TNFSF11: variants seen among roughly 807,000 people sequenced by gnomAD.
TNFSF11 encodes TNF superfamily member 11.
Under a neutral mutation model 32.2 loss-of-function variants are expected in TNFSF11, and 12 were observed. The observed-to-expected ratio is 0.37, with a 90% CI of 0.24 to 0.60. TNFSF11 has a LOEUF of 0.60. Among genes scored for constraint, TNFSF11 ranks in the 20% least tolerant of loss-of-function variants. The pLI, the probability that TNFSF11 is intolerant of heterozygous loss-of-function variation, is 0.66. For missense variants in TNFSF11, 345 were observed against 398.0 expected, an observed-to-expected ratio of 0.87 and a Z score of 1.13; for synonymous variants, 172 against 152.1, an observed-to-expected ratio of 1.13 and a Z score of -0.96.
intron 2 of TNFSF11, among the ~76,000 whole-genome samples, chr13:42,597,182 C>T (rs1344594129): frequency 6.6e-6 from 1 of 152,186 alleles, no homozygotes; most frequent in African/African-American, 2.4e-5. Flanking sequence ...AGGTTATAGA[C>T]AGTCATGCGC....
upstream of TNFSF11, among the ~76,000 whole-genome samples, chr13:42,569,758 C>T (rs1244446925): frequency 6.6e-6 from 1 of 151,952 alleles, no homozygotes; most frequent in Non-Finnish European, 1.5e-5. Flanking sequence ...ATAATAATAA[C>T]GAATGACTTC....
chr13:42,607,053 C>A lies in TNFSF11; in HGVS notation c.*135C>A, dbSNP rs1278422010. 3 of 1,118,584 alleles carry A rather than the reference C, an allele frequency of 2.7e-6. No individual in the cohort carries two copies. The highest frequency in any genetic ancestry group is 1.4e-5 in the South Asian group (1 of 71,758). 69.3% of individuals were successfully genotyped at this position (1,118,584 alleles called of 1,614,324 possible). ...AACGGTACACGACTCAGTATCCATG[C>A]TCTTGACCTTGTAGAGAACACGCGT... is the stretch of plus-strand genomic sequence containing the variant. On this transcript the variant is annotated 3_prime_UTR_variant, in exon 5 of 5. Transcript: ENST00000398795.
At chr13:42,568,995 A>C (rs1193454436) in intron 2 of TNFSF11, among the ~76,000 whole-genome samples, 2 of 152,146 alleles carry the variant, frequency 1.3e-5, no homozygotes, top group African/African-American at 4.8e-5. Flanking sequence ...TGAAGAGTTG[A>C]GGTCAGGGTT....
chr13:42,596,331 T>C (rs1436606328), intron 2 of TNFSF11, among the ~76,000 whole-genome samples: 1 of 152,206 alleles, frequency 6.6e-6, no homozygotes, highest in Non-Finnish European at 1.5e-5. Flanking sequence ...TATTTTCTGA[T>C]GTCCCGGCTC....
chr13:42,579,414 T>TC (rs1446924205), intron 1 of TNFSF11, among the ~76,000 whole-genome samples: 1 of 65,310 alleles, frequency 1.5e-5, no homozygotes, highest in Non-Finnish European at 3.5e-5. Context: ...GACCCTGTCT[T>TC]CAAAAAAAAA....
chr13:42,565,047 C>T (rs1872819141), intron 1 of TNFSF11, among the ~76,000 whole-genome samples: 1 of 152,168 alleles, frequency 6.6e-6, no homozygotes, highest in Non-Finnish European at 1.5e-5. Context: ...AGTAAAATAT[C>T]TCTGCCTACA....
In TNFSF11 at chr13:42,606,428, A is replaced by G. The variant is rs2137915411; in HGVS notation, c.533-69A>G. ...TATACTATTTTTTCTCCCTAACCTC[A>G]TAGAATTGTGAAGACGTCCTTCTCA... On this transcript the variant is annotated intron_variant, in intron 4 of 4. Coordinates refer to ENST00000398795, the MANE Select transcript of TNFSF11 (RefSeq NM_003701.4). 3.1e-6 allele frequency: 5 copies of G among 1,591,834 alleles called. No homozygotes were observed. The South Asian group carries it at 4.4e-5, about 14-fold the overall frequency.
intron 1 of TNFSF11, among the ~76,000 whole-genome samples, chr13:42,564,047 C>T (rs1872780587): frequency 1.3e-5 from 2 of 152,090 alleles, no homozygotes; most frequent in African/African-American, 4.8e-5. Flanking sequence ...CTATTTTAGA[C>T]ATTTTCTATT....
rs147947748 is a variant in TNFSF11, at chr13:42,598,743, G to A, written c.388-2009G>A. Among the ~76,000 whole-genome samples, 315 of 152,310 alleles carry A rather than the reference G, an allele frequency of 2.1e-3. 1 individual carries two copies. Among genetic ancestry groups the A allele is most frequent in the Non-Finnish European group, 3.7e-3 (255 of 68,028 alleles). ...TCACATTTGCAGCAGGTAGTAGAGC[G>A]CCATGAGCAGCTTAATAATGAAATT... On this transcript the variant is annotated intron_variant, in intron 2 of 4. Transcript: ENST00000398795.
Position 42,574,358 on chromosome 13 carries a change from G to A in TNFSF11, c.55G>A (p.Gly19Ser), listed in dbSNP as rs1420613057. 1 of 1,542,612 alleles carries A rather than the reference G, an allele frequency of 6.5e-7. No homozygotes were observed. The highest frequency in any genetic ancestry group is 8.7e-7 in the Non-Finnish European group (1 of 1,145,088). ...GTACCTGCGTGGCTCGGAGGAGATG[G>A]GCGGCGGCCCCGGAGCCCCGCACGA... is the stretch of plus-strand genomic sequence containing the variant. ...TKYLRGSEEM[G>S]GGPGAPHEGP... is the part of the protein sequence containing the mutation. Residue 19 changes from glycine to serine, a missense_variant, in exon 1 of 5, where the codon GGC becomes AGC. Gly to Ser is a moderately conservative substitution (Grantham distance 56). Coordinates refer to ENST00000398795, the MANE Select transcript of TNFSF11 (RefSeq NM_003701.4).
At chr13:42,571,371 C>CTT (rs12721449), upstream of TNFSF11, among the ~76,000 whole-genome samples, 3 of 151,428 alleles carry the variant, frequency 2.0e-5, no homozygotes, top group Non-Finnish European at 2.9e-5. Flanking sequence ...TTATTTTTAT[C>CTT]TTTTTTTTAA....
upstream of TNFSF11, among the ~76,000 whole-genome samples, chr13:42,573,161 CT>C (rs556679330): frequency 1.7e-3 from 237 of 140,272 alleles, no homozygotes; most frequent in East Asian, 4.7e-3. Flanking sequence ...CACAGCCATC[CT>C]TTTTTTTTTT....
At chr13:42,576,674 T>C (rs1873331297) in intron 1 of TNFSF11, among the ~76,000 whole-genome samples, 1 of 152,206 alleles carries the variant, frequency 6.6e-6, no homozygotes, top group South Asian at 2.1e-4. Flanking sequence ...GAACAATGTG[T>C]TCATATGAAT....
rs780672646 is a variant in TNFSF11 at position 42,600,972 on chromosome 13, A to G, written c.523A>G (p.Ile175Val). The G allele has an allele frequency of 2.9e-5, 47 of 1,614,044 alleles. No homozygotes were observed. The highest frequency in any genetic ancestry group is 4.0e-5 in the Non-Finnish European group (47 of 1,180,008). ...TCATCTCACTATTAATGCCACCGAC[A>G]TCCCATCTGGTAAGCTCTATCTGCA... ...FAHLTINATD[I>V]PSGSHKVSLS... The change falls in exon 4 of 5, where the codon ATC (isoleucine) becomes GTC (valine). Residue 175 changes from isoleucine to valine, a missense_variant. By Grantham distance (29) the Ile-to-Val change is conservative. Transcript: ENST00000398795.
rs1355875198 is a variant in TNFSF11 at position 42,568,872 on chromosome 13, G to A, written c.-160+2110G>A. ...GGGGCTGCATATATATTTTATAATA[G>A]CCACACTTATAAATTAGTTGCAACT... On this transcript the variant is annotated intron_variant, in intron 2 of 6. Transcript: ENST00000358545. Among the ~76,000 whole-genome samples the A allele has an allele frequency of 2.0e-5, 3 of 152,224 alleles. No homozygotes were observed. In the East Asian group the frequency reaches 5.8e-4, roughly 29 times the overall value.
At chr13:42,580,027 T>A (rs766461618) in intron 1 of TNFSF11, among the ~76,000 whole-genome samples, 2 of 152,218 alleles carry the variant, frequency 1.3e-5, no homozygotes, top group Non-Finnish European at 2.9e-5. Flanking sequence ...TCATTCTGAT[T>A]AATTTTTAAA....
rs531224472 is a variant in TNFSF11, at chr13:42,602,461, T to C, written c.532+1480T>C. ...TTTTGCTAAGTTATTTGGAAAACTT[T>C]GTTACGGCATGGACAAGGGGGAATT... On this transcript the variant is annotated intron_variant, in intron 4 of 4. Transcript: ENST00000398795. 6.6e-5 allele frequency among the ~76,000 whole-genome samples: 10 copies of C among 152,352 alleles called. No homozygotes were observed. The East Asian group carries it at 1.7e-3, about 26-fold the overall frequency.
chr13:42,572,696 A>G (rs1873113584), upstream of TNFSF11, among the ~76,000 whole-genome samples: 1 of 152,134 alleles, frequency 6.6e-6, no homozygotes, highest in Non-Finnish European at 1.5e-5. Flanking sequence ...ATTTGAACAG[A>G]TCATTTTCTT....
intron 4 of TNFSF11, among the ~76,000 whole-genome samples, chr13:42,603,599 C>A (rs1869291643): frequency 6.6e-6 from 1 of 152,128 alleles, no homozygotes; most frequent in Non-Finnish European, 1.5e-5. Context: ...TCCCTTTTCT[C>A]AGCCCATCCA....
Sources: gnomAD v4.1 joint callset for allele counts (sites outside exome capture counted in the v4.1 genomes callset) on GRCh38, gnomAD v4.1.1 for gene constraint, MANE v1.5 for transcripts, NCBI Gene and HGNC (gene_info 2026-07-23, HGNC 2026-07-21) for gene names.